EPC1: variants seen among roughly 807,000 people sequenced by gnomAD.
The protein encoded by EPC1 is enhancer of polycomb homolog 1.
EPC1 carries 12 observed loss-of-function variants against 98.4 expected under a neutral mutation model. The ratio of observed to expected loss-of-function variants is 0.12; its 90% CI spans 0.08 to 0.20. The LOEUF is 0.20. Ranked by LOEUF, EPC1 falls within the 10% of genes least tolerant of loss-of-function variation. The pLI is 1.00. For missense variants in EPC1, 729 were observed against 990.5 expected (o/e 0.74, Z 3.54); for synonymous variants, 357 against 363.9 (o/e 0.98, Z 0.21).
intron 1 of EPC1, chr10:32,377,519 G>T (rs1040935741): frequency 1.3e-5 from 2 of 152,186 alleles, no homozygotes; most frequent in African/African-American, 4.8e-5. Context: ...ACTGCAAACT[G>T]CATGCCTGTC....
At chr10:32,373,452 A>C (rs188446620) in intron 1 of EPC1, among the ~76,000 whole-genome samples, 15 of 152,370 alleles carry the variant, frequency 9.8e-5, no homozygotes, top group Admixed American at 6.5e-4. Context: ...AAAGCAATTA[A>C]GTGCTAACCT....
intron 1 of EPC1, among the ~76,000 whole-genome samples, chr10:32,317,748 T>C (rs1183695181): frequency 6.6e-6 from 1 of 152,210 alleles, no homozygotes; most frequent in Non-Finnish European, 1.5e-5. Flanking sequence ...AAAGAGCAAT[T>C]TAATATCTAT....
Position 32,346,820 on chromosome 10 carries a change from G to C in EPC1, c.96C>G (p.Ala32=), listed in dbSNP as rs374083765. The change falls in exon 1 of 14, where the codon GCC becomes GCG. Residue 32 remains alanine, a synonymous_variant. Coordinates refer to ENST00000319778, the MANE Select transcript of EPC1 (RefSeq NM_001272004.3). ...CEDLPDLHEY[A]SINRAVPQMP... ...TCTGCGGCACGGCCCTGTTTATCGA[G>C]GCGTATTCGTGCAGGTCGGGCAGAT... 1.2e-5 allele frequency: 19 copies of C among 1,614,086 alleles called. No individual in the cohort carries two copies. The African/African-American group carries it at 2.4e-4, about 20-fold the overall frequency.
chr10:32,346,971 C>A lies in EPC1; in HGVS notation c.-56G>T. 6.3e-7 allele frequency: 1 copy of A among 1,597,150 alleles called. No homozygotes were observed. The highest frequency in any genetic ancestry group is 8.5e-7 in the Non-Finnish European group (1 of 1,176,462). ...GGGAAACGGCCCCGGCCAGCGGGATCATGGAGAACCGGGGGTTCGGTCCCC... is the reference window on the plus strand; with the variant it reads ...GGGAAACGGCCCCGGCCAGCGGGATAATGGAGAACCGGGGGTTCGGTCCCC... On this transcript the variant is annotated 5_prime_UTR_variant, in exon 1 of 14. An upstream start codon of the reference 5' UTR is lost. Transcript: ENST00000319778.
chr10:32,356,713 G>C (rs35418105), intron 1 of EPC1, among the ~76,000 whole-genome samples: 1 of 152,154 alleles, frequency 6.6e-6, no homozygotes, highest in African/African-American at 2.4e-5. Context: ...CGCCAGGCGC[G>C]GTGGCTCACG....
chr10:32,323,337 A>G (rs539991638), intron 1 of EPC1, among the ~76,000 whole-genome samples: 1 of 152,270 alleles, frequency 6.6e-6, no homozygotes, highest in Non-Finnish European at 1.5e-5. Flanking sequence ...GGACTTTGAC[A>G]ATCTCAAAAC....
rs549601717 is a variant in EPC1 at position 32,302,212 on chromosome 10, G to C, written c.313+3560C>G. On this transcript the variant is annotated intron_variant, in intron 2 of 13. Coordinates refer to ENST00000319778, the MANE Select transcript of EPC1 (RefSeq NM_001272004.3). Reference sequence around the variant, plus strand: ...GCTGAGATCACTGCACTGCACTCCAGCCTGGGTGACAGAGCAAGACTCCGT... The same window carrying C: ...GCTGAGATCACTGCACTGCACTCCACCCTGGGTGACAGAGCAAGACTCCGT... 4.6e-5 allele frequency among the ~76,000 whole-genome samples: 7 copies of C among 151,582 alleles called. No individual in the cohort carries two copies. The South Asian group carries it at 1.5e-3, about 32-fold the overall frequency.
intron 5 of EPC1, chr10:32,291,770 C>CT (rs879717624): frequency 1.3e-5 from 2 of 151,412 alleles, no homozygotes; most frequent in African/African-American, 4.8e-5. Context: ...TGTAGTTAAA[C>CT]TTTGACTATT....
chr10:32,307,850 A>C (rs1167128803), intron 1 of EPC1, among the ~76,000 whole-genome samples: 1 of 152,216 alleles, frequency 6.6e-6, no homozygotes. Flanking sequence ...GTACGGAAGC[A>C]AGACACGTGA....
chr10:32,289,856 C>T (rs1002995118), intron 6 of EPC1, among the ~76,000 whole-genome samples: 2 of 152,008 alleles, frequency 1.3e-5, no homozygotes, highest in African/African-American at 2.4e-5. Context: ...GATCTCCTGA[C>T]CTTGTGATCC....
chr10:32,277,205 A>G (rs1260930653), intron 10 of EPC1, among the ~76,000 whole-genome samples: 1 of 152,234 alleles, frequency 6.6e-6, no homozygotes, highest in East Asian at 1.9e-4. Flanking sequence ...AGAGCACCTG[A>G]CAAACAAGGG....
chr10:32,309,166 G>T lies in EPC1; in HGVS notation c.154-3235C>A, dbSNP rs1301606583. On this transcript the variant is annotated intron_variant, in intron 1 of 13. Transcript: ENST00000319778. ...AAAAAGTGGGGATGGTTAATGGGCA[G>T]AAAAATATAGTGAGATAGAATGAAT... 5.3e-5 allele frequency among the ~76,000 whole-genome samples: 8 copies of T among 152,128 alleles called. No individual in the cohort carries two copies. The South Asian group carries it at 1.7e-3, about 31-fold the overall frequency.
chr10:32,300,343 C>G (rs1180058680), intron 2 of EPC1, among the ~76,000 whole-genome samples: 24 of 151,534 alleles, frequency 1.6e-4, no homozygotes, highest in Non-Finnish European at 7.4e-5. Flanking sequence ...GTGCTGCACC[C>G]ATTAACTCGT....
At chr10:32,296,862 G>A (rs567638374) in intron 2 of EPC1, among the ~76,000 whole-genome samples, 130 of 151,314 alleles carry the variant, frequency 8.6e-4, no homozygotes, top group African/African-American at 2.9e-3. Flanking sequence ...AGCTGAGATC[G>A]CGCCACTGCA....
chr10:32,290,910 G>C (rs1434161282), intron 6 of EPC1, among the ~76,000 whole-genome samples: 1 of 151,904 alleles, frequency 6.6e-6, no homozygotes, highest in Non-Finnish European at 1.5e-5. Flanking sequence ...TAGTAGCTGG[G>C]ATTGCAGGCG....
rs75388262 is a variant in EPC1 at position 32,285,411 on chromosome 10, A to T, written c.1392-361T>A. The stretch of plus-strand genomic sequence containing the variant: ...CAACAAAAAACATAGTATACCATTA[A>T]CATTTCTTATAGACAAAATATTTGA... On this transcript the variant is annotated intron_variant, in intron 9 of 13. Coordinates refer to ENST00000319778, the MANE Select transcript of EPC1 (RefSeq NM_001272004.3). 8.9e-3 allele frequency: 1,791 copies of T among 201,988 alleles called. 35 individuals carry two copies. The highest frequency in any genetic ancestry group is 0.04 in the African/African-American group (1,674 of 42,180). 12.5% of individuals were successfully genotyped at this position (201,988 alleles called of 1,614,324 possible). A position where few individuals can be genotyped will look rare whatever the true frequency, so the allele number is the denominator to read the frequency against.
chr10:32,348,752 G>T (rs1204444001), upstream of EPC1, among the ~76,000 whole-genome samples: 1 of 152,178 alleles, frequency 6.6e-6, no homozygotes, highest in Non-Finnish European at 1.5e-5. Flanking sequence ...TCCTGGAGGA[G>T]CTTACACAGT....
intron 10 of EPC1, among the ~76,000 whole-genome samples, chr10:32,274,710 G>A (rs1274904448): frequency 6.6e-6 from 1 of 152,010 alleles, no homozygotes; most frequent in African/African-American, 2.4e-5. Flanking sequence ...TCACAAATCT[G>A]CAATCTGTAG....
At position 32,375,690 on chromosome 10, in the gene EPC1, T is replaced by C. The variant is rs572344843; in HGVS notation, c.3+2801A>G. Reference sequence around the variant, plus strand: ...GGGATGGGCAGGATGAGAAAAATGATATGACAATATAGTAAATTTTGCTAC... The same window carrying C: ...GGGATGGGCAGGATGAGAAAAATGACATGACAATATAGTAAATTTTGCTAC... On this transcript the variant is annotated intron_variant, in intron 1 of 13. Transcript: ENST00000375110. Among the ~76,000 whole-genome samples the C allele has an allele frequency of 2.2e-3, 333 of 152,148 alleles. 4 individuals are homozygous for C. The highest frequency in any genetic ancestry group is 7.7e-3 in the African/African-American group (321 of 41,566).
Sources: gnomAD v4.1 joint callset for allele counts (sites outside exome capture counted in the v4.1 genomes callset) on GRCh38, gnomAD v4.1.1 for gene constraint, MANE v1.5 for transcripts, NCBI Gene and HGNC (gene_info 2026-07-23, HGNC 2026-07-21) for gene names.